The following CSMD1 variants were observed in gnomAD, a reference collection of about 807,000 sequenced individuals.
The protein encoded by CSMD1 is CUB and Sushi multiple domains 1, also known as CUB and sushi domain-containing protein 1.
Under a neutral mutation model 417.5 loss-of-function variants are expected in CSMD1, and 213 were observed. That is an observed-to-expected ratio of 0.51 (90% confidence interval 0.46 to 0.57). The LOEUF is 0.57. Among genes scored for constraint, CSMD1 ranks in the 20% least tolerant of loss-of-function variants. The probability of loss-of-function intolerance (pLI) is 0.00; values close to 1 mark genes in which losing one functional copy is unlikely to be tolerated. For synonymous variants in CSMD1, 2,862 were observed against 1,736.8 expected (o/e 1.65, Z -16.11); for missense variants, 6,923 against 4,529.7 (o/e 1.53, Z -15.17).
intron 5 of CSMD1, among the ~76,000 whole-genome samples, chr8:3,907,532 C>T (rs939549720): frequency 1.3e-5 from 2 of 152,046 alleles, no homozygotes; most frequent in African/African-American, 4.8e-5. Context: ...CAGATCTTTG[C>T]TTTATTTTTA....
intron 10 of CSMD1, among the ~76,000 whole-genome samples, chr8:3,572,367 G>A (rs1361956389): frequency 1.3e-5 from 2 of 152,162 alleles, no homozygotes; most frequent in Non-Finnish European, 2.9e-5. Flanking sequence ...TAAGAGCAGG[G>A]AGGTGGGCAG....
chr8:3,682,615 A>C (rs1285297343), intron 7 of CSMD1, among the ~76,000 whole-genome samples: 1 of 152,234 alleles, frequency 6.6e-6, no homozygotes, highest in Admixed American at 6.5e-5. Context: ...TAGTTCAACC[A>C]TTGTGGAAGA....
At chr8:4,141,324 G>A (rs148474688) in intron 3 of CSMD1, among the ~76,000 whole-genome samples, 9 of 151,204 alleles carry the variant, frequency 6.0e-5, no homozygotes, top group Non-Finnish European at 1.3e-4. Context: ...AAGGGGAAAT[G>A]AAGCTACTAC....
intron 1 of CSMD1, among the ~76,000 whole-genome samples, chr8:4,933,638 G>C (rs545305428): frequency 6.6e-6 from 1 of 152,076 alleles, no homozygotes; most frequent in African/African-American, 2.4e-5. Context: ...TGTACTTTCC[G>C]AATGCCTGTC....
chr8:4,235,070 G>T (rs1358354819), intron 3 of CSMD1, among the ~76,000 whole-genome samples: 1 of 152,174 alleles, frequency 6.6e-6, no homozygotes, highest in East Asian at 1.9e-4. Context: ...TCCATCCATA[G>T]GAGTCCCTTT....
At chr8:4,714,751 G>A (rs1370367239) in intron 1 of CSMD1, among the ~76,000 whole-genome samples, 2 of 152,132 alleles carry the variant, frequency 1.3e-5, no homozygotes, top group Non-Finnish European at 2.9e-5. Context: ...CTTAAATTTT[G>A]CTGAAATAAT....
At chr8:3,069,023 G>A (rs1813146910) in intron 49 of CSMD1, among the ~76,000 whole-genome samples, 1 of 152,058 alleles carries the variant, frequency 6.6e-6, no homozygotes, top group Non-Finnish European at 1.5e-5. Flanking sequence ...GAGAGACAAG[G>A]CAAATCCCTT....
At chr8:4,710,918 G>C (rs1054959322) in intron 1 of CSMD1, among the ~76,000 whole-genome samples, 4 of 151,888 alleles carry the variant, frequency 2.6e-5, no homozygotes, top group African/African-American at 7.3e-5. Context: ...AAAATGGCCT[G>C]AGTCCAAACA....
intron 61 of CSMD1, 47 bp downstream of exon 61, chr8:2,962,419 T>G: frequency 6.5e-7 from 1 of 1,541,378 alleles, no homozygotes; most frequent in Non-Finnish European, 8.9e-7. Context: ...AGCGTCCTCA[T>G]CTCCAAATAC....
chr8:3,076,517 T>G (rs1158429861), intron 49 of CSMD1, among the ~76,000 whole-genome samples: 1 of 152,192 alleles, frequency 6.6e-6, no homozygotes, highest in African/African-American at 2.4e-5. Context: ...AGACTTTCTA[T>G]CTCTGGTGCC....
At chr8:3,103,138 T>C (rs1031110779) in intron 46 of CSMD1, among the ~76,000 whole-genome samples, 24 of 152,286 alleles carry the variant, frequency 1.6e-4, no homozygotes, top group African/African-American at 5.8e-4. Flanking sequence ...CTTATGTCTT[T>C]AAATAAATAC....
At chr8:4,928,497 G>C (rs1488281242) in intron 1 of CSMD1, among the ~76,000 whole-genome samples, 3 of 152,164 alleles carry the variant, frequency 2.0e-5, no homozygotes, top group Admixed American at 1.3e-4. Flanking sequence ...ATGTGAGCCT[G>C]AGCAAGTTAC....
intron 46 of CSMD1, among the ~76,000 whole-genome samples, chr8:3,101,101 G>A (rs1815703836): frequency 7.1e-6 from 1 of 140,906 alleles, no homozygotes; most frequent in Non-Finnish European, 1.5e-5. Context: ...AAAAACTATT[G>A]AAGGATCCCC....
Position 4,237,932 on chromosome 8 carries a change from C to T in CSMD1, c.415+182021G>A, listed in dbSNP as rs975167133. On this transcript the variant is annotated intron_variant, in intron 3 of 69. Coordinates refer to ENST00000635120, the MANE Select transcript of CSMD1 (RefSeq NM_033225.6). ...AAATGTGAAGCTTTCCTCTCACTGG[C>T]GGAGAAGCAGAGTCTCCAGGAGTTG... 8.5e-5 allele frequency among the ~76,000 whole-genome samples: 13 copies of T among 152,096 alleles called. 1 individual carries two copies. Among genetic ancestry groups the T allele is most frequent in the African/African-American group, 2.7e-4 (11 of 41,426 alleles).
chr8:4,582,124 G>T (rs1799450312), intron 2 of CSMD1, among the ~76,000 whole-genome samples: 1 of 151,632 alleles, frequency 6.6e-6, no homozygotes, highest in Non-Finnish European at 1.5e-5. Flanking sequence ...TGAGCTTTGT[G>T]AGTAGCACAT....
chr8:4,957,350 T>C (rs932802309), intron 1 of CSMD1, among the ~76,000 whole-genome samples: 2 of 152,298 alleles, frequency 1.3e-5, no homozygotes, highest in Admixed American at 6.5e-5. Context: ...GAAGAGCACA[T>C]TTGGCAGTTT....
intron 5 of CSMD1, among the ~76,000 whole-genome samples, chr8:3,890,413 C>G (rs576096528): frequency 1.3e-5 from 2 of 151,696 alleles, no homozygotes; most frequent in South Asian, 2.1e-4. Flanking sequence ...GGACATCAGA[C>G]GCCACCTGAA....
intron 3 of CSMD1, among the ~76,000 whole-genome samples, chr8:4,404,492 T>C (rs1234598864): frequency 6.6e-6 from 1 of 152,166 alleles, no homozygotes; most frequent in South Asian, 2.1e-4. Flanking sequence ...TATTGAGTGA[T>C]ACAAAGATGA....
intron 3 of CSMD1, among the ~76,000 whole-genome samples, chr8:4,087,534 C>T (rs1382177431): frequency 2.0e-5 from 3 of 152,108 alleles, no homozygotes; most frequent in Non-Finnish European, 4.4e-5. Context: ...AAAAGCAAGG[C>T]GAGGCTTTCC....
Sources: gnomAD v4.1 joint callset for allele counts (sites outside exome capture counted in the v4.1 genomes callset) on GRCh38, gnomAD v4.1.1 for gene constraint, MANE v1.5 for transcripts, NCBI Gene and HGNC (gene_info 2026-07-23, HGNC 2026-07-21) for gene names.